The following LINGO2 variants were observed in gnomAD, a reference collection of about 807,000 sequenced individuals.
The protein encoded by LINGO2 is leucine-rich repeat and immunoglobulin-like domain-containing nogo receptor-interacting protein 2.
A neutral mutation model predicts 30.6 loss-of-function variants in LINGO2; 14 were observed. The observed-to-expected ratio is 0.46, with a 90% CI of 0.30 to 0.72. LINGO2 has a LOEUF of 0.72. Ranked by LOEUF, LINGO2 falls within the 30% of genes least tolerant of loss-of-function variation. The pLI, the probability that LINGO2 is intolerant of heterozygous loss-of-function variation, is 0.07. For missense variants in LINGO2, 729 were observed against 751.7 expected (o/e 0.97, Z 0.35); for synonymous variants, 317 against 288.5 (o/e 1.10, Z -1.00).
At chr9:28,346,191 C>G (rs1232232830) in intron 3 of LINGO2, among the ~76,000 whole-genome samples, 2 of 152,174 alleles carry the variant, frequency 1.3e-5, no homozygotes, top group South Asian at 4.1e-4. Flanking sequence ...TACTGGTCCT[C>G]TACTTCCTCC....
intron 1 of LINGO2, among the ~76,000 whole-genome samples, chr9:28,604,760 T>A (rs1316129735): frequency 6.6e-6 from 1 of 151,968 alleles, no homozygotes; most frequent in African/African-American, 2.4e-5. Flanking sequence ...TGTAATTATA[T>A]AACACACATG....
At chr9:29,042,487 A>G in the LINGO2 span, among the ~76,000 whole-genome samples, 2 of 152,054 alleles carry the variant, frequency 1.3e-5, no homozygotes, top group African/African-American at 2.4e-5. Context: ...TGCTCAATCA[A>G]TAACATGGAC....
At chr9:28,997,546 G>A in the LINGO2 span, among the ~76,000 whole-genome samples, 3 of 151,820 alleles carry the variant, frequency 2.0e-5, no homozygotes, top group Non-Finnish European at 4.4e-5. Context: ...ATAGTTGGCC[G>A]GGTGCAGTGG....
the LINGO2 span, among the ~76,000 whole-genome samples, chr9:28,744,572 T>C: frequency 1.3e-5 from 2 of 151,080 alleles, no homozygotes; most frequent in South Asian, 2.1e-4. Flanking sequence ...TTCCCCATAG[T>C]GTATAGCTTC....
chr9:28,661,153 T>G (rs1044433304), intron 1 of LINGO2, among the ~76,000 whole-genome samples: 1 of 152,020 alleles, frequency 6.6e-6, no homozygotes. Flanking sequence ...AAAATATATA[T>G]ATATATATGC....
intron 4 of LINGO2, among the ~76,000 whole-genome samples, chr9:28,023,179 A>G (rs1039891644): frequency 6.6e-6 from 1 of 152,042 alleles, no homozygotes; most frequent in South Asian, 2.1e-4. Flanking sequence ...TGATGTTTGC[A>G]TTTTGTCTTC....
chr9:28,828,004 T>C, the LINGO2 span, among the ~76,000 whole-genome samples: 23 of 151,958 alleles, frequency 1.5e-4, no homozygotes, highest in East Asian at 4.4e-3. Context: ...TCTTGAAAAA[T>C]AACCAAAACA....
chr9:28,357,562 A>G (rs1429218919), intron 3 of LINGO2, among the ~76,000 whole-genome samples: 1 of 152,104 alleles, frequency 6.6e-6, no homozygotes, highest in African/African-American at 2.4e-5. Flanking sequence ...AACAACTATA[A>G]CCATATAGTA....
intron 4 of LINGO2, among the ~76,000 whole-genome samples, chr9:28,029,848 T>C (rs1191723949): frequency 3.3e-5 from 5 of 152,192 alleles, no homozygotes; most frequent in South Asian, 2.1e-4. Flanking sequence ...TGCAATTATA[T>C]AACTTTGAAA....
chr9:28,906,929 T>C, the LINGO2 span, among the ~76,000 whole-genome samples: 1 of 151,946 alleles, frequency 6.6e-6, no homozygotes, highest in Non-Finnish European at 1.5e-5. Context: ...ATATTTGTTT[T>C]CTTTTACCTA....
intron 1 of LINGO2, among the ~76,000 whole-genome samples, chr9:28,532,348 T>C (rs995097966): frequency 5.3e-5 from 8 of 152,280 alleles, no homozygotes; most frequent in Middle Eastern, 3.4e-3. Flanking sequence ...AAATAGGTTG[T>C]GAGAATTCAA....
At chr9:28,864,824 A>T in the LINGO2 span, among the ~76,000 whole-genome samples, 1 of 152,288 alleles carries the variant, frequency 6.6e-6, no homozygotes, top group Admixed American at 6.5e-5. Context: ...TGAAAAAAAA[A>T]TATTTGTTTT....
chr9:28,082,457 T>A (rs1181933220), intron 4 of LINGO2, among the ~76,000 whole-genome samples: 4 of 146,376 alleles, frequency 2.7e-5, no homozygotes, highest in Non-Finnish European at 4.6e-5. Flanking sequence ...AGTCACATCT[T>A]AATACAATTT....
At chr9:28,164,840 G>T (rs989444780) in intron 4 of LINGO2, among the ~76,000 whole-genome samples, 1 of 152,090 alleles carries the variant, frequency 6.6e-6, no homozygotes, top group African/African-American at 2.4e-5. Flanking sequence ...CTCCTGACAG[G>T]TTCCACATGT....
chr9:28,842,366 C>G, the LINGO2 span, among the ~76,000 whole-genome samples: 2 of 151,866 alleles, frequency 1.3e-5, no homozygotes, highest in Non-Finnish European at 2.9e-5. Context: ...TTAATTAGGT[C>G]TCTGTGCCTA....
chr9:28,817,287 T>A, the LINGO2 span, among the ~76,000 whole-genome samples: 1 of 152,120 alleles, frequency 6.6e-6, no homozygotes, highest in African/African-American at 2.4e-5. Flanking sequence ...TAGCAAAGAA[T>A]GATTTGGTTG....
chr9:29,172,308 C>G, the LINGO2 span, among the ~76,000 whole-genome samples: 1 of 149,538 alleles, frequency 6.7e-6, no homozygotes, highest in African/African-American at 2.5e-5. Context: ...TATGAACCTA[C>G]CCAAATAGTG....
At chr9:28,187,563 A>C (rs1819586921) in intron 4 of LINGO2, among the ~76,000 whole-genome samples, 1 of 152,074 alleles carries the variant, frequency 6.6e-6, no homozygotes, top group South Asian at 2.1e-4. Context: ...GGATGGATAG[A>C]ATTGTCATCA....
chr9:28,773,927 A>C, the LINGO2 span, among the ~76,000 whole-genome samples: 1 of 152,154 alleles, frequency 6.6e-6, no homozygotes, highest in East Asian at 1.9e-4. Flanking sequence ...CTTGAAATTT[A>C]TAAAATAATA....
Sources: allele counts gnomAD v4.1 joint callset (sites outside exome capture counted in the v4.1 genomes callset), GRCh38; gene constraint gnomAD v4.1.1; transcripts MANE v1.5; gene names NCBI Gene and HGNC (gene_info 2026-07-23, HGNC 2026-07-21).